Variants in MCPH1 observed in about 807,000 individuals in gnomAD.
MCPH1 encodes the protein microcephalin 1, also known as microcephalin.
In MCPH1, 104 loss-of-function variants were observed where a neutral mutation model predicts 84.5. The observed-to-expected ratio is 1.23, with a 90% confidence interval of 1.05 to 1.45. MCPH1 has a LOEUF of 1.45. Among genes scored for constraint, MCPH1 ranks in the 40% most tolerant of loss-of-function variants. MCPH1 has a pLI of 0.00. For synonymous variants in MCPH1, 514 were observed against 366.8 expected (o/e 1.40, Z -4.58); for missense variants, 1,498 against 1,005.7 (o/e 1.49, Z -6.62).
At chr8:6,623,339 C>CCT (rs1319795898) in intron 13 of MCPH1, among the ~76,000 whole-genome samples, 4 of 150,908 alleles carry the variant, frequency 2.7e-5, no homozygotes, top group East Asian at 2.0e-4. Flanking sequence ...AGGTACATCC[C>CCT]CTCTCTCTCT....
intron 12 of MCPH1, among the ~76,000 whole-genome samples, chr8:6,550,056 C>T (rs1029699070): frequency 1.3e-5 from 2 of 152,174 alleles, no homozygotes; most frequent in Non-Finnish European, 1.5e-5. Flanking sequence ...CTGCTGTCAG[C>T]ACTGATGTTG....
chr8:6,457,927 T>C (rs2979648), intron 9 of MCPH1, among the ~76,000 whole-genome samples: 43,012 of 151,944 alleles, frequency 0.28, 8,300 homozygotes, highest in African/African-American at 0.55. Context: ...TGGGGATCTG[T>C]AAGGTTTGTG....
At chr8:6,511,874 AG>A (rs1289166820) in intron 12 of MCPH1, among the ~76,000 whole-genome samples, 1 of 151,194 alleles carries the variant, frequency 6.6e-6, no homozygotes, top group Non-Finnish European at 1.5e-5. Flanking sequence ...TTATACAAAC[AG>A]CCTAATCCTT....
intron 9 of MCPH1, among the ~76,000 whole-genome samples, chr8:6,458,307 C>T (rs529464896): frequency 6.6e-5 from 10 of 151,894 alleles, no homozygotes; most frequent in Non-Finnish European, 1.0e-4. Flanking sequence ...CCCGTCTCTA[C>T]TAGAAATACA....
chr8:6,645,576 A>G lies in MCPH1; in HGVS notation c.*2527A>G, dbSNP rs1310727254. On this transcript the variant is annotated 3_prime_UTR_variant, in exon 14 of 14. Coordinates refer to ENST00000344683, the MANE Select transcript of MCPH1 (RefSeq NM_024596.5). ...AAAAGTCTTTATTCTCAAGAATACA[A>G]GACACTATGTATAGAAATTGTAAGG... 1 of 150,160 alleles carries G rather than the reference A, an allele frequency of 6.7e-6. No homozygotes were observed. Among genetic ancestry groups the G allele is most frequent in the Admixed American group, 6.6e-5 (1 of 15,078 alleles). 9.3% of individuals were successfully genotyped at this position (150,160 alleles called of 1,614,324 possible).
intron 2 of MCPH1, among the ~76,000 whole-genome samples, chr8:6,413,848 G>C (rs967877344): frequency 6.6e-6 from 1 of 151,136 alleles, no homozygotes; most frequent in African/African-American, 2.4e-5. Context: ...GCCACCTCCC[G>C]GGTTGAAGTG....
At chr8:6,608,173 C>T (rs763123460) in intron 12 of MCPH1, among the ~76,000 whole-genome samples, 13 of 152,110 alleles carry the variant, frequency 8.5e-5, no homozygotes, top group Non-Finnish European at 1.6e-4. Context: ...TGGGAGAGGT[C>T]GCACGGCCTG....
intron 12 of MCPH1, chr8:6,513,798 A>G: frequency 3.1e-6 from 5 of 1,614,026 alleles, no homozygotes; most frequent in Non-Finnish European, 4.2e-6. Flanking sequence ...CAGTTGCGAA[A>G]CAAACTCATT....
At position 6,571,811 on chromosome 8, in the gene MCPH1, C is replaced by T. The variant is rs570975990; in HGVS notation, c.2215-49643C>T. 3.0e-4 allele frequency among the ~76,000 whole-genome samples: 46 copies of T among 152,122 alleles called. 1 individual carries two copies. Among genetic ancestry groups the T allele is most frequent in the African/African-American group, 1.1e-3 (45 of 41,534 alleles). On this transcript the variant is annotated intron_variant, in intron 12 of 13. Transcript: ENST00000344683. ...GAAATTAGGCTTGATTATAGAGTTA[C>T]AAGTACAAAAAGTAGTTTTTGAAGA...
At chr8:6,629,777 C>T (rs567413117) in intron 13 of MCPH1, among the ~76,000 whole-genome samples, 1 of 152,340 alleles carries the variant, frequency 6.6e-6, no homozygotes, top group South Asian at 2.1e-4. Context: ...CAGCAGGAAA[C>T]TGAGGGCCTC....
intron 13 of MCPH1, chr8:6,626,202 C>T: frequency 1.0e-6 from 1 of 985,404 alleles, no homozygotes; most frequent in Non-Finnish European, 1.2e-6. Context: ...GCTGCCCCAC[C>T]TTGCTGGCAT....
At chr8:6,454,762 GATTA>G (rs1805497866) in intron 8 of MCPH1, among the ~76,000 whole-genome samples, 1 of 152,152 alleles carries the variant, frequency 6.6e-6, no homozygotes, top group Non-Finnish European at 1.5e-5. Flanking sequence ...CCAAAAGTTA[GATTA>G]ATTATTGCCT....
At chr8:6,410,048 C>T (rs1183177872) in intron 2 of MCPH1, among the ~76,000 whole-genome samples, 5 of 152,022 alleles carry the variant, frequency 3.3e-5, no homozygotes, top group African/African-American at 1.2e-4. Context: ...CAGCTCACTG[C>T]AATCTCTGCC....
intron 1 of MCPH1, among the ~76,000 whole-genome samples, chr8:6,408,861 C>G (rs1349831510): frequency 6.6e-6 from 1 of 150,938 alleles, no homozygotes. Flanking sequence ...CACACCTGGC[C>G]AGTAGAGTAA....
chr8:6,411,902 G>C (rs1225132889), intron 2 of MCPH1, among the ~76,000 whole-genome samples: 1 of 152,122 alleles, frequency 6.6e-6, no homozygotes, highest in South Asian at 2.1e-4. Flanking sequence ...AGGGAGTTTA[G>C]TTATGAACAA....
chr8:6,424,064 C>T (rs1381866364), intron 3 of MCPH1, among the ~76,000 whole-genome samples: 1 of 152,128 alleles, frequency 6.6e-6, no homozygotes, highest in Admixed American at 6.6e-5. Flanking sequence ...AAAATGTGAA[C>T]ATTAACTTCA....
intron 12 of MCPH1, among the ~76,000 whole-genome samples, chr8:6,505,926 A>G (rs895933413): frequency 1.2e-5 from 1 of 86,602 alleles, no homozygotes; most frequent in Non-Finnish European, 2.1e-5. Flanking sequence ...ATGTATATAT[A>G]AAAACATACA....
intron 13 of MCPH1, among the ~76,000 whole-genome samples, chr8:6,628,338 G>A (rs781223577): frequency 1.2e-4 from 18 of 151,936 alleles, no homozygotes; most frequent in Non-Finnish European, 2.2e-4. Flanking sequence ...GGTCGTGGTG[G>A]CAGGTGCCTG....
At position 6,514,812 on chromosome 8, in the gene MCPH1, GC is replaced by G. The variant is rs762403526; in HGVS notation, c.2214+14890del. 5.1e-6 allele frequency: 8 copies of G among 1,576,794 alleles called. No homozygotes were observed. The African/African-American group carries it at 5.4e-5, about 11-fold the overall frequency. On this transcript the variant is annotated intron_variant, in intron 12 of 13. Coordinates refer to ENST00000344683, the MANE Select transcript of MCPH1 (RefSeq NM_024596.5). Reference sequence around the variant, plus strand: ...AGGAATGCAGGGTATAAGTGACAGAGCCCCCCCACTCCCCCCTTACGTAGCA... The same window carrying G: ...AGGAATGCAGGGTATAAGTGACAGAGCCCCCCACTCCCCCCTTACGTAGCA...
Sources: allele counts gnomAD v4.1 joint callset (sites outside exome capture counted in the v4.1 genomes callset), GRCh38; gene constraint gnomAD v4.1.1; transcripts MANE v1.5; gene names NCBI Gene and HGNC (gene_info 2026-07-23, HGNC 2026-07-21).